Variants in NRXN3 observed in about 807,000 individuals in gnomAD.
NRXN3 encodes the protein neurexin 3, also known as neurexin III.
Under a neutral mutation model 137.6 loss-of-function variants are expected in NRXN3, and 32 were observed. The ratio of observed to expected loss-of-function variants is 0.23; its 90% CI spans 0.18 to 0.31. NRXN3 has a LOEUF of 0.31. Among genes scored for constraint, NRXN3 ranks in the 10% least tolerant of loss-of-function variants. The pLI, the probability that NRXN3 is intolerant of heterozygous loss-of-function variation, is 1.00. For missense variants in NRXN3, 1,574 were observed against 2,062.5 expected (o/e 0.76, Z 4.59); for synonymous variants, 798 against 784.5 (o/e 1.02, Z -0.29).
intron 4 of NRXN3, among the ~76,000 whole-genome samples, chr14:78,347,360 T>C (rs1272839521): frequency 6.6e-6 from 1 of 152,238 alleles, no homozygotes; most frequent in Non-Finnish European, 1.5e-5. Context: ...CTTTTGATAG[T>C]GTACAACATT....
chr14:78,923,504 TAGAG>T (rs1242422034), intron 10 of NRXN3, among the ~76,000 whole-genome samples: 1 of 152,230 alleles, frequency 6.6e-6, no homozygotes, highest in Admixed American at 6.5e-5. Flanking sequence ...AGATTTCACT[TAGAG>T]AGAATGGCTT....
chr14:79,178,758 T>C (rs2062616581), intron 15 of NRXN3, among the ~76,000 whole-genome samples: 1 of 152,218 alleles, frequency 6.6e-6, no homozygotes, highest in African/African-American at 2.4e-5. Context: ...CTTTTGTTGA[T>C]AATCTCCAAA....
At chr14:79,758,819 T>C (rs1265300812) in intron 19 of NRXN3, among the ~76,000 whole-genome samples, 1 of 152,136 alleles carries the variant, frequency 6.6e-6, no homozygotes, top group Non-Finnish European at 1.5e-5. Flanking sequence ...CACACAAGCA[T>C]TATTCAAAAA....
At chr14:78,315,309 A>G (rs868758930) in intron 4 of NRXN3, among the ~76,000 whole-genome samples, 2 of 152,106 alleles carry the variant, frequency 1.3e-5, no homozygotes, top group South Asian at 2.1e-4. Context: ...TGTATTTTGT[A>G]TTAAACAAAA....
At chr14:78,431,764 A>G (rs2153687943) in intron 4 of NRXN3, among the ~76,000 whole-genome samples, 1 of 152,280 alleles carries the variant, frequency 6.6e-6, no homozygotes, top group Non-Finnish European at 1.5e-5. Context: ...TAATAATAGC[A>G]ATATTTGAAC....
intron 15 of NRXN3, among the ~76,000 whole-genome samples, chr14:79,234,416 C>T (rs1381481833): frequency 2.1e-5 from 3 of 145,212 alleles, no homozygotes; most frequent in Non-Finnish European, 4.5e-5. Context: ...CAGAGTCTGG[C>T]TCTGTTGCCT....
intron 18 of NRXN3, among the ~76,000 whole-genome samples, chr14:79,692,937 TTGTGTATTTGATGTTTTATGCAACAAAAG>T (rs2154026115): frequency 6.6e-6 from 1 of 152,158 alleles, no homozygotes; most frequent in African/African-American, 2.4e-5. Flanking sequence ...GTGCATACAC[TTGTGTATTTGATGTTTTATGCAACAAAAG>T]TGTAAGAAGT....
chr14:78,267,346 G>A (rs1435203922), intron 2 of NRXN3, among the ~76,000 whole-genome samples: 1 of 152,124 alleles, frequency 6.6e-6, no homozygotes, highest in Non-Finnish European at 1.5e-5. Context: ...AGTGAGCCCA[G>A]CCCTCAGGGG....
At chr14:79,749,304 T>A (rs1261089431) in intron 19 of NRXN3, among the ~76,000 whole-genome samples, 1 of 152,080 alleles carries the variant, frequency 6.6e-6, no homozygotes, top group Non-Finnish European at 1.5e-5. Context: ...TGAGAGCACA[T>A]CCACACCTCC....
intron 4 of NRXN3, among the ~76,000 whole-genome samples, chr14:78,529,790 G>A (rs2096434145): frequency 6.6e-6 from 1 of 152,018 alleles, no homozygotes; most frequent in African/African-American, 2.4e-5. Context: ...TCCCATGCTG[G>A]GCCATCTCAT....
At chr14:78,760,862 T>C (rs777835753) in intron 8 of NRXN3, among the ~76,000 whole-genome samples, 5 of 152,136 alleles carry the variant, frequency 3.3e-5, no homozygotes, top group African/African-American at 4.8e-5. Flanking sequence ...GTGGGGGAAT[T>C]CCTCATGAGG....
chr14:78,879,439 C>T (rs969098660), intron 10 of NRXN3, among the ~76,000 whole-genome samples: 5 of 152,032 alleles, frequency 3.3e-5, no homozygotes, highest in Admixed American at 6.6e-5. Context: ...GGTGATATTT[C>T]GTTGTGGTTT....
intron 15 of NRXN3, among the ~76,000 whole-genome samples, chr14:79,249,620 A>G (rs909811148): frequency 1.3e-5 from 2 of 152,210 alleles, no homozygotes; most frequent in Non-Finnish European, 2.9e-5. Context: ...AGCTACTGGC[A>G]CATTCATAAC....
intron 19 of NRXN3, among the ~76,000 whole-genome samples, chr14:79,729,697 C>T (rs1345843170): frequency 6.6e-6 from 1 of 152,132 alleles, no homozygotes; most frequent in Non-Finnish European, 1.5e-5. Context: ...CTCTAGGCTC[C>T]TCCTCCTTCC....
At chr14:78,706,860 C>T (rs2098356632) in intron 6 of NRXN3, among the ~76,000 whole-genome samples, 1 of 152,172 alleles carries the variant, frequency 6.6e-6, no homozygotes, top group African/African-American at 2.4e-5. Flanking sequence ...AACAGCTTTG[C>T]TTGATTCTCT....
intron 1 of NRXN3, among the ~76,000 whole-genome samples, chr14:78,211,531 C>T (rs1226161458): frequency 6.6e-6 from 1 of 152,248 alleles, no homozygotes; most frequent in African/African-American, 2.4e-5. Context: ...AGGAACACCT[C>T]TTGCAATCAC....
At chr14:78,941,748 A>T (rs1209281131) in intron 10 of NRXN3, among the ~76,000 whole-genome samples, 1 of 152,166 alleles carries the variant, frequency 6.6e-6, no homozygotes, top group East Asian at 1.9e-4. Context: ...TATTCTGGGG[A>T]TTAAATATTA....
intron 15 of NRXN3, among the ~76,000 whole-genome samples, chr14:79,014,097 G>A (rs1338935095): frequency 6.6e-6 from 1 of 152,064 alleles, no homozygotes; most frequent in Non-Finnish European, 1.5e-5. Context: ...AGGAGCAGTG[G>A]GACCTCTCTT....
chr14:78,789,380 G>A (rs2098798717), intron 8 of NRXN3, among the ~76,000 whole-genome samples: 1 of 152,112 alleles, frequency 6.6e-6, no homozygotes, highest in African/African-American at 2.4e-5. Context: ...GGAAATGTCT[G>A]GAGATGCTTT....
Sources: gnomAD v4.1 joint callset for allele counts (sites outside exome capture counted in the v4.1 genomes callset) on GRCh38, gnomAD v4.1.1 for gene constraint, MANE v1.5 for transcripts, NCBI Gene and HGNC (gene_info 2026-07-23, HGNC 2026-07-21) for gene names.